GAN: variants seen among roughly 807,000 people sequenced by gnomAD.
GAN encodes epididymis secretory sperm binding protein.
A neutral mutation model predicts 71.3 loss-of-function variants in GAN; 48 were observed. The ratio of observed to expected loss-of-function variants is 0.67; its 90% CI spans 0.53 to 0.86. GAN has a LOEUF of 0.86. Among genes scored for constraint, GAN ranks in the 40% least tolerant of loss-of-function variants. GAN has a pLI of 0.00. For missense variants in GAN, 928 were observed against 770.1 expected (o/e 1.21, Z -2.43); for synonymous variants, 386 against 276.8 (o/e 1.39, Z -3.92).
intron 1 of GAN, among the ~76,000 whole-genome samples, chr16:81,339,868 C>G (rs193082405): frequency 4.7e-4 from 71 of 152,130 alleles, no homozygotes; most frequent in African/African-American, 1.5e-3. Flanking sequence ...GTGTCAGGGG[C>G]AGATGTAAGG....
intron 1 of GAN, among the ~76,000 whole-genome samples, chr16:81,342,212 TAGAC>T (rs1454686709): frequency 6.6e-6 from 1 of 152,148 alleles, no homozygotes; most frequent in African/African-American, 2.4e-5. Context: ...CTGTCAATAT[TAGAC>T]AGATGAATGA....
chr16:81,362,630 GGTTT>G lies in GAN; in HGVS notation c.1086+25_1086+28del, dbSNP rs561109989. On this transcript the variant is annotated intron_variant, in intron 6 of 10. Transcript: ENST00000648994. ...GAACGAGGTAAAACACTAGTTGGTT[GGTTT>G]GTTTGATGTGTTTCTCTTTCCCCTT... 1.6e-4 allele frequency: 200 copies of G among 1,228,492 alleles called. No homozygotes were observed. In the African/African-American group the frequency reaches 2.6e-3, roughly 16 times the overall value. 76.1% of individuals were successfully genotyped at this position (1,228,492 alleles called of 1,614,324 possible). A position where few individuals can be genotyped will look rare whatever the true frequency, so the allele number is the denominator to read the frequency against.
At position 81,364,956 on chromosome 16, in the gene GAN, A is replaced by G. The variant is rs199532373; in HGVS notation, c.1237-18A>G. The G allele has an allele frequency of 6.8e-6, 11 of 1,613,586 alleles. No individual in the cohort carries two copies. The highest frequency in any genetic ancestry group is 3.3e-5 in the South Asian group (3 of 91,070). On this transcript the variant is annotated intron_variant, in intron 7 of 10. Transcript: ENST00000648994. ...TGAGAAATGTTGCCTCTCCCCCACC[A>G]TTGTTCTCTGCTTTCAGATCGGCTG...
Position 81,378,834 on chromosome 16 carries a change from C to A in GAN, c.*1238C>A, listed in dbSNP as rs530857569. The A allele has an allele frequency of 6.5e-6, 1 of 152,696 alleles. No homozygotes were observed. The highest frequency in any genetic ancestry group is 2.1e-4 in the South Asian group (1 of 4,820). The allele number at this position is 152,696 out of a possible 1,614,324, so 9.5% of individuals were successfully genotyped here. ...TCATTCTCACCTCAACCCACTTTAC[C>A]CCACTTCTCATTGGGGGAAAAATGT... On this transcript the variant is annotated 3_prime_UTR_variant, in exon 11 of 11. Transcript: ENST00000648994.
In GAN at chr16:81,336,535, C is replaced by T. The variant is rs142313660; in HGVS notation, c.168-15048C>T. On this transcript the variant is annotated intron_variant, in intron 1 of 10. Transcript: ENST00000648994. ...CTGAAGTGCAGTGGCATGAGCACAG[C>T]TCACTGTAGCCTCGACCTACTGGGC... Among the ~76,000 whole-genome samples the T allele has an allele frequency of 1.9e-3, 289 of 152,308 alleles. 1 individual carries two copies. Among genetic ancestry groups the T allele is most frequent in the African/African-American group, 6.2e-3 (258 of 41,568 alleles).
intron 1 of GAN, among the ~76,000 whole-genome samples, chr16:81,320,400 G>C (rs955202991): frequency 2.0e-5 from 3 of 152,172 alleles, no homozygotes; most frequent in Admixed American, 1.3e-4. Context: ...CCTCTTATTA[G>C]ATTCTTTGCT....
intron 1 of GAN, among the ~76,000 whole-genome samples, chr16:81,345,520 C>G (rs1158978885): frequency 6.6e-6 from 1 of 152,102 alleles, no homozygotes; most frequent in African/African-American, 2.4e-5. Flanking sequence ...AATGCATGTT[C>G]TCACTCATAA....
chr16:81,318,354 G>A (rs990613541), intron 1 of GAN, among the ~76,000 whole-genome samples: 2 of 150,296 alleles, frequency 1.3e-5, no homozygotes, highest in African/African-American at 4.8e-5. Flanking sequence ...GTGGTTGTGT[G>A]ATTGTGTGGT....
At chr16:81,375,527 A>AT (rs913935045) in intron 9 of GAN, among the ~76,000 whole-genome samples, 9 of 151,956 alleles carry the variant, frequency 5.9e-5, no homozygotes, top group African/African-American at 1.9e-4. Flanking sequence ...AGGTTTCGCC[A>AT]TGTTGCCCAG....
Position 81,357,627 on chromosome 16 carries a change from T to A in GAN, c.852-183T>A, listed in dbSNP as rs188854679. Among the ~76,000 whole-genome samples, 5 of 152,310 alleles carry A rather than the reference T, an allele frequency of 3.3e-5. No homozygotes were observed. The East Asian group carries it at 9.6e-4, about 29-fold the overall frequency. ...AGTCCTTTGGGTATATACCCAGTAA[T>A]GGGATGGCTGGGTCAAATGGCATTC... On this transcript the variant is annotated intron_variant, in intron 4 of 10. Transcript: ENST00000648994.
chr16:81,354,325 T>C, intron 2 of GAN, 80 bp from the exon 3 acceptor site: 1 of 864,708 alleles, frequency 1.2e-6, no homozygotes, highest in South Asian at 1.4e-5. Context: ...GGAAATTTCA[T>C]GTGGCCCCAA....
rs2150703215 is a variant in GAN at position 81,385,318 on chromosome 16, A to G, written c.*7722A>G. The G allele has an allele frequency of 6.6e-6, 1 of 152,142 alleles. No homozygotes were observed. The highest frequency in any genetic ancestry group is 1.9e-4 in the East Asian group (1 of 5,178). 9.4% of individuals were successfully genotyped at this position (152,142 alleles called of 1,614,324 possible). A position where few individuals can be genotyped will look rare whatever the true frequency, so the allele number is the denominator to read the frequency against. ...GCTTATTCCTTTAACTTAAACCCCAAACTTTGTTATTTTAATTATTTTCAG... is the reference window on the plus strand; with the variant it reads ...GCTTATTCCTTTAACTTAAACCCCAGACTTTGTTATTTTAATTATTTTCAG... On this transcript the variant is annotated 3_prime_UTR_variant, in exon 11 of 11. Coordinates refer to ENST00000648994, the MANE Select transcript of GAN (RefSeq NM_022041.4).
intron 8 of GAN, 115 bp downstream of exon 8, chr16:81,365,225 G>A: frequency 1.9e-6 from 3 of 1,563,354 alleles, no homozygotes; most frequent in Non-Finnish European, 1.8e-6. Flanking sequence ...CTTTGACTTG[G>A]CATTTCCTGA....
At chr16:81,353,119 G>A (rs1045775735) in intron 2 of GAN, among the ~76,000 whole-genome samples, 1 of 151,986 alleles carries the variant, frequency 6.6e-6, no homozygotes, top group Non-Finnish European at 1.5e-5. Context: ...GTGAAACCCC[G>A]TCTCTACTAA....
rs140103187 is a variant in GAN at position 81,345,193 on chromosome 16, C to T, written c.168-6390C>T. Among the ~76,000 whole-genome samples, 123 of 152,258 alleles carry T rather than the reference C, an allele frequency of 8.1e-4. No individual in the cohort carries two copies. In the East Asian group the frequency reaches 0.016, roughly 20 times the overall value. On this transcript the variant is annotated intron_variant, in intron 1 of 10. Coordinates refer to ENST00000648994, the MANE Select transcript of GAN (RefSeq NM_022041.4). ...TCAACCATTGTGGAAGACAGTGTGG[C>T]GATTCCTCAAGGATCTAGAACTAGA...
intron 9 of GAN, among the ~76,000 whole-genome samples, chr16:81,373,641 A>G (rs1346549307): frequency 6.6e-6 from 1 of 152,174 alleles, no homozygotes; most frequent in African/African-American, 2.4e-5. Flanking sequence ...GAGTTTCACC[A>G]GCTTTTACTC....
intron 9 of GAN, among the ~76,000 whole-genome samples, chr16:81,369,197 C>G (rs536635160): frequency 2.0e-5 from 3 of 152,328 alleles, no homozygotes; most frequent in South Asian, 2.1e-4. Context: ...AATAGACATA[C>G]TTGACAACTG....
In GAN at chr16:81,387,001, C is replaced by G. The variant is rs562653634; in HGVS notation, c.*9405C>G. 6.6e-6 allele frequency: 1 copy of G among 152,204 alleles called. No individual in the cohort carries two copies. The highest frequency in any genetic ancestry group is 1.5e-5 in the Non-Finnish European group (1 of 68,060). The allele number at this position is 152,204 out of a possible 1,614,324, so 9.4% of individuals were successfully genotyped here. A position where few individuals can be genotyped will look rare whatever the true frequency, so the allele number is the denominator to read the frequency against. ...AGGATTTAACAAAGGACCGAGAAGT[C>G]GGCTGAATAGCCAGGTTCAGACAGT... On this transcript the variant is annotated 3_prime_UTR_variant, in exon 11 of 11. Transcript: ENST00000648994.
intron 1 of GAN, among the ~76,000 whole-genome samples, chr16:81,347,183 C>T (rs749662883): frequency 6.6e-6 from 1 of 152,142 alleles, no homozygotes; most frequent in Non-Finnish European, 1.5e-5. Context: ...TTAATAAAAG[C>T]ATCAGGCAAA....
Sources: gnomAD v4.1 joint callset for allele counts (sites outside exome capture counted in the v4.1 genomes callset) on GRCh38, gnomAD v4.1.1 for gene constraint, MANE v1.5 for transcripts, NCBI Gene and HGNC (gene_info 2026-07-23, HGNC 2026-07-21) for gene names.